Variants in UQCRC2 observed in about 807,000 individuals in gnomAD.
UQCRC2 encodes the protein ubiquinol-cytochrome c reductase core protein 2, also known as cytochrome b-c1 complex subunit 2, mitochondrial.
In UQCRC2, 49 loss-of-function variants were observed where a neutral mutation model predicts 55.6. That is an observed-to-expected ratio of 0.88 (90% confidence interval 0.70 to 1.12). The LOEUF is 1.12. Among genes scored for constraint, UQCRC2 ranks in the 50% most tolerant of loss-of-function variants. The pLI, the probability that UQCRC2 is intolerant of heterozygous loss-of-function variation, is 0.00. For synonymous variants in UQCRC2, 193 were observed against 192.0 expected (o/e 1.01, Z -0.04); for missense variants, 506 against 547.8 (o/e 0.92, Z 0.76).
Position 21,983,337 on chromosome 16 carries a change from A to G in UQCRC2, c.*166A>G. On this transcript the variant is annotated 3_prime_UTR_variant, in exon 14 of 14. Transcript: ENST00000268379. ...CCAGCTGACCTAAAGTCAATAAAAC[A>G]TTCTGTTTAAGTGTTTTTCTTACGT... is the stretch of plus-strand genomic sequence containing the variant. 1 of 576,332 alleles carries G rather than the reference A, an allele frequency of 1.7e-6. No homozygotes were observed. Among genetic ancestry groups the G allele is most frequent in the East Asian group, 3.0e-5 (1 of 33,324 alleles). The allele number at this position is 576,332 out of a possible 1,614,324, so 35.7% of individuals were successfully genotyped here.
chr16:21,980,382 C>A, intron 12 of UQCRC2, 165 bp from the exon 13 acceptor site: 1 of 729,076 alleles, frequency 1.4e-6, no homozygotes, highest in Non-Finnish European at 2.2e-6. Context: ...TAGTATGTTC[C>A]AGAGAAGGGA....
intron 8 of UQCRC2, 117 bp from the exon 9 acceptor site, chr16:21,971,406 CTT>C (rs1419426476): frequency 3.8e-6 from 3 of 795,774 alleles, no homozygotes; most frequent in South Asian, 1.9e-5. Context: ...CAGGAAGACT[CTT>C]ATTTATTTTG....
rs751045268 is a variant in UQCRC2, at chr16:21,971,916, G to C, written c.767-7G>C. On this transcript the variant is annotated splice_region_variant and splice_polypyrimidine_tract_variant and intron_variant, in intron 9 of 13. Coordinates refer to ENST00000268379, the MANE Select transcript of UQCRC2 (RefSeq NM_003366.4). Reference sequence around the variant, plus strand: ...TCTTCTTCCCTCTATCCTTAATCTGGCCCCAGGTGAAATCCGAGAACAGAA... The same window carrying C: ...TCTTCTTCCCTCTATCCTTAATCTGCCCCCAGGTGAAATCCGAGAACAGAA... 1.2e-6 allele frequency: 2 copies of C among 1,613,516 alleles called. No individual in the cohort carries two copies. Among genetic ancestry groups the C allele is most frequent in the African/African-American group, 2.7e-5 (2 of 75,036 alleles).
intron 1 of UQCRC2, among the ~76,000 whole-genome samples, chr16:21,956,618 A>G (rs929924288): frequency 1.3e-5 from 2 of 152,232 alleles, no homozygotes; most frequent in East Asian, 1.9e-4. Flanking sequence ...ACACAGAACC[A>G]TGAAACTTTT....
At chr16:21,976,744 T>G (rs1411186181) in intron 12 of UQCRC2, 1 of 152,280 alleles carries the variant, frequency 6.6e-6, no homozygotes, top group Non-Finnish European at 1.5e-5. Context: ...TTAGGGACCA[T>G]CTGTATACTT....
intron 7 of UQCRC2, among the ~76,000 whole-genome samples, chr16:21,968,162 T>C (rs907496364): frequency 3.3e-5 from 5 of 151,958 alleles, no homozygotes; most frequent in Non-Finnish European, 7.4e-5. Flanking sequence ...CCACCATGCC[T>C]GGCTAATTTT....
Position 21,962,459 on chromosome 16 carries a change from G to C in UQCRC2, c.333-1G>C. ...TTACTCTAGTTTATTTTCCGATTCA[G>C]TGTGACCGCAACAAGGGAAAACATG... is the stretch of plus-strand genomic sequence containing the variant. On this transcript the variant is annotated splice_acceptor_variant, in intron 4 of 13. Transcript: ENST00000268379. LOFTEE classifies it high-confidence loss of function. 6.2e-7 allele frequency: 1 copy of C among 1,614,164 alleles called. No homozygotes were observed. The highest frequency in any genetic ancestry group is 8.5e-7 in the Non-Finnish European group (1 of 1,180,014).
rs1384782297 is a variant in UQCRC2 at position 21,980,611 on chromosome 16, G to A, written c.1189G>A (p.Gly397Arg). ...TTCTGAGTGTTTCCTGGAAGAAGTC[G>A]GGTCCCAGGCTCTAGTTGCTGGTTC... ...ESSECFLEEV[G>R]SQALVAGSYM... Residue 397 changes from glycine to arginine, a missense_variant, in exon 13 of 14, where the codon GGG becomes AGG. Gly to Arg is a moderately radical substitution (Grantham distance 125). Coordinates refer to ENST00000268379, the MANE Select transcript of UQCRC2 (RefSeq NM_003366.4). 8.1e-6 allele frequency: 13 copies of A among 1,614,050 alleles called. No homozygotes were observed. The highest frequency in any genetic ancestry group is 2.2e-5 in the East Asian group (1 of 44,896).
intron 11 of UQCRC2, among the ~76,000 whole-genome samples, chr16:21,974,527 T>C (rs2141943936): frequency 6.6e-6 from 1 of 152,260 alleles, no homozygotes. Context: ...AGAAGTCTGG[T>C]AGTTTCAGCA....
chr16:21,961,898 C>G (rs1290068321), intron 4 of UQCRC2, among the ~76,000 whole-genome samples: 1 of 151,710 alleles, frequency 6.6e-6, no homozygotes, highest in African/African-American at 2.4e-5. Flanking sequence ...AGTGATCCGC[C>G]CACCTCGGCC....
At chr16:21,961,197 A>C (rs1032880237) in intron 4 of UQCRC2, 4 of 278,620 alleles carry the variant, frequency 1.4e-5, no homozygotes, top group African/African-American at 6.7e-5. Flanking sequence ...TGATAGGAGT[A>C]TAAATTGATA....
intron 6 of UQCRC2, 130 bp downstream of exon 6, chr16:21,963,015 G>A: frequency 3.3e-6 from 4 of 1,206,730 alleles, no homozygotes; most frequent in African/African-American, 3.1e-5. Context: ...TTGAGACAGA[G>A]TCTCACTCTG....
intron 13 of UQCRC2, 39 bp downstream of exon 13, chr16:21,980,739 CTT>C (rs1173416742): frequency 6.2e-7 from 1 of 1,606,686 alleles, no homozygotes; most frequent in Admixed American, 1.7e-5. Flanking sequence ...CAACAGAGAA[CTT>C]AACCTTAATG....
chr16:21,953,835 C>T (rs1317049412), intron 1 of UQCRC2, among the ~76,000 whole-genome samples: 1 of 152,158 alleles, frequency 6.6e-6, no homozygotes, highest in Non-Finnish European at 1.5e-5. Flanking sequence ...GCCTCTGCTC[C>T]TTGGTTTATC....
At chr16:21,974,784 C>G (rs886281722) in intron 11 of UQCRC2, among the ~76,000 whole-genome samples, 1 of 152,146 alleles carries the variant, frequency 6.6e-6, no homozygotes, top group Non-Finnish European at 1.5e-5. Context: ...TGGCTCAAGT[C>G]TGAGAAAGGA....
Position 21,976,228 on chromosome 16 carries a change from A to T in UQCRC2, c.1109A>T (p.Asp370Val), listed in dbSNP as rs994489436. 6.2e-7 allele frequency: 1 copy of T among 1,613,824 alleles called. No individual in the cohort carries two copies. The highest frequency in any genetic ancestry group is 1.7e-5 in the Admixed American group (1 of 60,022). The change falls in exon 12 of 14, where the codon GAT (aspartate) becomes GTT (valine). Residue 370 changes from aspartate (D) to valine (V), a missense_variant. Coordinates refer to ENST00000268379, the MANE Select transcript of UQCRC2 (RefSeq NM_003366.4). Reference sequence around the variant, plus strand: ...GCTCAAGGAAACCTTTCCAACACAGATGTCCAAGCTGCCAAGTAAGTCTCA... The same window carrying T: ...GCTCAAGGAAACCTTTCCAACACAGTTGTCCAAGCTGCCAAGTAAGTCTCA... Reference protein sequence around the residue: ...TIAQGNLSNTDVQAAKNKLKA... With the variant: ...TIAQGNLSNTVVQAAKNKLKA...
At position 21,958,568 on chromosome 16, in the gene UQCRC2, C is replaced by G; in HGVS notation, c.301C>G (p.Arg101Gly). Residue 101 changes from arginine to glycine, a missense_variant, in exon 4 of 14, where the codon CGT becomes GGT. Transcript: ENST00000268379. Reference protein sequence around the residue: ...TKGASSFKITRGIEAVGGKLS... With the variant: ...TKGASSFKITGGIEAVGGKLS... Reference sequence around the variant, plus strand: ...AGGAGCTTCATCTTTCAAGATAACCCGTGGAATTGAAGCAGTTGGTGGCAA... The same window carrying G: ...AGGAGCTTCATCTTTCAAGATAACCGGTGGAATTGAAGCAGTTGGTGGCAA... 2 of 1,612,306 alleles carry G rather than the reference C, an allele frequency of 1.2e-6. No individual in the cohort carries two copies. The highest frequency in any genetic ancestry group is 2.2e-5 in the South Asian group (2 of 90,548).
chr16:21,970,130 T>C (rs920806877), intron 8 of UQCRC2, among the ~76,000 whole-genome samples: 1 of 152,234 alleles, frequency 6.6e-6, no homozygotes, highest in Non-Finnish European at 1.5e-5. Flanking sequence ...GTCCATATTG[T>C]AGCATGTGTC....
intron 4 of UQCRC2, among the ~76,000 whole-genome samples, chr16:21,960,596 T>C (rs940902330): frequency 6.6e-6 from 1 of 152,230 alleles, no homozygotes; most frequent in Non-Finnish European, 1.5e-5. Flanking sequence ...GTATCCGTTT[T>C]TAACATGCCT....
Sources: allele counts gnomAD v4.1 joint callset (sites outside exome capture counted in the v4.1 genomes callset), GRCh38; gene constraint gnomAD v4.1.1; transcripts MANE v1.5; gene names NCBI Gene and HGNC (gene_info 2026-07-23, HGNC 2026-07-21).